GTPBP1: variants seen among roughly 807,000 people sequenced by gnomAD.
The protein encoded by GTPBP1 is GTP-binding protein 1.
Under a neutral mutation model 62.0 loss-of-function variants are expected in GTPBP1, and 23 were observed. That is an observed-to-expected ratio of 0.37 (90% CI 0.27 to 0.53). GTPBP1 has a LOEUF of 0.53. Among genes scored for constraint, GTPBP1 ranks in the 20% least tolerant of loss-of-function variants. The pLI is 0.89. For synonymous variants in GTPBP1, 344 were observed against 364.4 expected (o/e 0.94, Z 0.64); for missense variants, 640 against 917.3 (o/e 0.70, Z 3.90).
downstream of GTPBP1, chr22:38,739,531 T>C: frequency 7.2e-7 from 1 of 1,397,388 alleles, no homozygotes; most frequent in Non-Finnish European, 1.0e-6. The surrounding 1 kb of genome is among the most constrained non-coding windows in gnomAD (Gnocchi z 6.7). Flanking sequence ...CTTCTAGGCT[T>C]GCACTGTGCT....
chr22:38,726,108 G>T lies in GTPBP1; in HGVS notation c.1176G>T (p.Glu392Asp). Reference sequence around the variant, plus strand: ...CCCCCCGCACCAGCTACAGGGAGGAGGAGCCTGCTGAGTTTCAGATTGATG... The same window carrying T: ...CCCCCCGCACCAGCTACAGGGAGGATGAGCCTGCTGAGTTTCAGATTGATG... ...LLSPRTSYRE[E>D]EPAEFQIDDT... Residue 392 changes from glutamate to aspartate, a missense_variant, in exon 7 of 12, where the codon GAG becomes GAT. Coordinates refer to ENST00000216044, the MANE Select transcript of GTPBP1 (RefSeq NM_004286.5). The surrounding 1 kb of genome is among the most constrained non-coding windows in gnomAD (Gnocchi z 4.1). 2 of 1,614,132 alleles carry T rather than the reference G, an allele frequency of 1.2e-6. No individual in the cohort carries two copies. Among genetic ancestry groups the T allele is most frequent in the Non-Finnish European group, 1.7e-6 (2 of 1,179,998 alleles).
downstream of GTPBP1, chr22:38,734,386 C>T (rs776987602): frequency 1.5e-5 from 6 of 412,686 alleles, no homozygotes; most frequent in South Asian, 5.3e-5. Context: ...TCCAAGTGGA[C>T]GTGGCTGGTA....
At chr22:38,742,722 C>A (rs1253715911), downstream of GTPBP1, 2 of 834,326 alleles carry the variant, frequency 2.4e-6, no homozygotes, top group African/African-American at 3.5e-5. Flanking sequence ...GGGCTGCCGA[C>A]CTCTGAGCTG....
chr22:38,712,555 G>C (rs16999280), intron 2 of GTPBP1, among the ~76,000 whole-genome samples: 4,077 of 152,302 alleles, frequency 0.027, 69 homozygotes, highest in Middle Eastern at 0.058. Flanking sequence ...GAGCCGGCAG[G>C]ATGGAAATCT....
chr22:38,713,585 A>T (rs867522937), intron 2 of GTPBP1, among the ~76,000 whole-genome samples: 13 of 152,256 alleles, frequency 8.5e-5, no homozygotes, highest in Admixed American at 5.2e-4. Context: ...TGGTATTGTC[A>T]TTGTCAGAAA....
At chr22:38,709,183 T>A (rs1025177432) in intron 2 of GTPBP1, among the ~76,000 whole-genome samples, 1 of 151,984 alleles carries the variant, frequency 6.6e-6, no homozygotes, top group African/African-American at 2.4e-5. Flanking sequence ...TCCCAGCTAC[T>A]TGGGAGGCTG....
downstream of GTPBP1, chr22:38,741,149 C>T: frequency 2.2e-6 from 3 of 1,357,924 alleles, no homozygotes; most frequent in Non-Finnish European, 3.1e-6. Context: ...CTTAACCACA[C>T]CCCTGCCCAA....
downstream of GTPBP1, chr22:38,739,465 C>T (rs372431889): frequency 3.4e-4 from 548 of 1,605,204 alleles, 2 homozygotes; most frequent in Non-Finnish European, 4.0e-4. The surrounding 1 kb of genome is among the most constrained non-coding windows in gnomAD (Gnocchi z 6.7). Context: ...CAGCAGGGAG[C>T]AGACGTGTCC....
rs570498036 is a variant in GTPBP1 at position 38,731,713 on chromosome 22, G to A, written c.*1009G>A. On this transcript the variant is annotated 3_prime_UTR_variant, in exon 12 of 12. Coordinates refer to ENST00000216044, the MANE Select transcript of GTPBP1 (RefSeq NM_004286.5). ...GAGGGATGTTCCCCTGAGCCAGGCT[G>A]AGACTAGAACCCCATCTTCCCTGAG... is the stretch of plus-strand genomic sequence containing the variant. 1 of 152,640 alleles carries A rather than the reference G, an allele frequency of 6.6e-6. No homozygotes were observed. The highest frequency in any genetic ancestry group is 2.4e-5 in the African/African-American group (1 of 41,572). 9.5% of individuals were successfully genotyped at this position (152,640 alleles called of 1,614,324 possible). A position where few individuals can be genotyped will look rare whatever the true frequency, so the allele number is the denominator to read the frequency against.
At position 38,716,600 on chromosome 22, in the gene GTPBP1, C is replaced by T; in HGVS notation, c.486-52C>T. ...TACTGGGGTTATGATGGTCGCTCCA[C>T]CTCACTCATTCACTAACTCTCACAT... is the stretch of plus-strand genomic sequence containing the variant. On this transcript the variant is annotated intron_variant, in intron 3 of 11. Transcript: ENST00000216044. This position sits in a 1 kb window ranked among gnomAD's most constrained non-coding sequence, Gnocchi z 5.2. 7.5e-7 allele frequency: 1 copy of T among 1,333,110 alleles called. No individual in the cohort carries two copies. Among genetic ancestry groups the T allele is most frequent in the Non-Finnish European group, 1.1e-6 (1 of 947,494 alleles). 82.6% of individuals were successfully genotyped at this position (1,333,110 alleles called of 1,614,324 possible).
At chr22:38,735,293 C>A (rs1339112029), downstream of GTPBP1, 1 of 453,142 alleles carries the variant, frequency 2.2e-6, no homozygotes, top group Admixed American at 2.4e-5. Flanking sequence ...GAGCGGACGA[C>A]CCCTACATCA....
chr22:38,708,966 G>A lies in GTPBP1; in HGVS notation c.304+10G>A. On this transcript the variant is annotated intron_variant, in intron 2 of 11. Transcript: ENST00000216044. ...ATTGGGCAGGGATCAGGTGAGCATA[G>A]TTTTCCTTTCACTTTATTTTTAAAA... The A allele has an allele frequency of 4.1e-6, 6 of 1,471,536 alleles. No individual in the cohort carries two copies. The highest frequency in any genetic ancestry group is 5.7e-6 in the Non-Finnish European group (6 of 1,049,654). 91.2% of individuals were successfully genotyped at this position (1,471,536 alleles called of 1,614,324 possible).
chr22:38,715,773 G>C, intron 2 of GTPBP1, 134 bp from the exon 3 acceptor site: 2 of 682,124 alleles, frequency 2.9e-6, no homozygotes, highest in Non-Finnish European at 5.1e-6. Context: ...CTCAGGTAGA[G>C]AGGACCCCTG....
chr22:38,739,070 G>T, downstream of GTPBP1: 1 of 1,381,952 alleles, frequency 7.2e-7, no homozygotes, highest in Admixed American at 2.0e-5. This position sits in a 1 kb window ranked among gnomAD's most constrained non-coding sequence, Gnocchi z 6.7. Context: ...CCTCGCTGAA[G>T]GTGGACGGCA....
At position 38,732,804 on chromosome 22, in the gene GTPBP1, C is replaced by G. The variant is rs1264932522; in HGVS notation, c.*2100C>G. ...CTCCGCCTGCCAGTTTCAAGTGATTCTCTGCCTCAGCCTTCTGAGTAGCTG... is the reference window on the plus strand; with the variant it reads ...CTCCGCCTGCCAGTTTCAAGTGATTGTCTGCCTCAGCCTTCTGAGTAGCTG... On this transcript the variant is annotated 3_prime_UTR_variant, in exon 12 of 12. Transcript: ENST00000216044. 1.3e-5 allele frequency: 2 copies of G among 152,324 alleles called. No homozygotes were observed. The highest frequency in any genetic ancestry group is 6.5e-5 in the Admixed American group (1 of 15,290). 9.4% of individuals were successfully genotyped at this position (152,324 alleles called of 1,614,324 possible).
chr22:38,720,439 A>G (rs1440167498), intron 4 of GTPBP1, among the ~76,000 whole-genome samples: 2 of 150,888 alleles, frequency 1.3e-5, no homozygotes, highest in East Asian at 3.9e-4. Flanking sequence ...CATGTTGGCC[A>G]AGCTGGTCTC....
intron 4 of GTPBP1, among the ~76,000 whole-genome samples, chr22:38,719,107 A>G (rs1260688048): frequency 6.6e-6 from 1 of 152,056 alleles, no homozygotes; most frequent in African/African-American, 2.4e-5. Context: ...TTGGGTTCAA[A>G]TGATTCTCCT....
Position 38,730,601 on chromosome 22 carries a change from C to T in GTPBP1, c.1918-11C>T. On this transcript the variant is annotated splice_polypyrimidine_tract_variant and intron_variant, in intron 11 of 11. Transcript: ENST00000216044. This position sits in a 1 kb window ranked among gnomAD's most constrained non-coding sequence, Gnocchi z 5.6. Reference sequence around the variant, plus strand: ...GGCCAGTGCTTCTCAAGCTCCTTCTCTCTCTTTCAGCCTAAGCCCAGCAGT... The same window carrying T: ...GGCCAGTGCTTCTCAAGCTCCTTCTTTCTCTTTCAGCCTAAGCCCAGCAGT... 1 of 1,585,006 alleles carries T rather than the reference C, an allele frequency of 6.3e-7. No individual in the cohort carries two copies. The highest frequency in any genetic ancestry group is 8.6e-7 in the Non-Finnish European group (1 of 1,160,742).
chr22:38,738,213 T>A, downstream of GTPBP1: 1 of 1,613,982 alleles, frequency 6.2e-7, no homozygotes, highest in Non-Finnish European at 8.5e-7. The surrounding 1 kb of genome is among the most constrained non-coding windows in gnomAD (Gnocchi z 6.6). Context: ...GTCCTGATCG[T>A]AAGTGAACTT....
Sources: gnomAD v4.1 joint callset for allele counts (sites outside exome capture counted in the v4.1 genomes callset) on GRCh38, gnomAD v4.1.1 for gene constraint, Gnocchi (gnomAD v3.1) non-coding constraint, MANE v1.5 for transcripts, NCBI Gene and HGNC (gene_info 2026-07-23, HGNC 2026-07-21) for gene names.